TCTN3: variants seen among roughly 807,000 people sequenced by gnomAD.
The protein encoded by TCTN3 is tectonic family member 3.
A neutral mutation model predicts 71.3 loss-of-function variants in TCTN3; 57 were observed. That is an observed-to-expected ratio of 0.80 (90% CI 0.65 to 1.00). TCTN3 has a LOEUF of 1.00. Ranked by LOEUF, TCTN3 falls within the 50% of genes least tolerant of loss-of-function variation. The probability of loss-of-function intolerance (pLI) is 0.00; values close to 1 mark genes in which losing one functional copy is unlikely to be tolerated. For synonymous variants in TCTN3, 258 were observed against 267.8 expected (o/e 0.96, Z 0.36); for missense variants, 696 against 719.9 (o/e 0.97, Z 0.38).
chr10:95,679,688 T>G (rs1376106246), intron 13 of TCTN3, among the ~76,000 whole-genome samples: 1 of 147,012 alleles, frequency 6.8e-6, no homozygotes, highest in East Asian at 2.0e-4. Flanking sequence ...GCCTCTCGGG[T>G]TCACGCCATT....
At chr10:95,665,944 GTTTTTTT>G (rs58866795) in intron 13 of TCTN3, among the ~76,000 whole-genome samples, 7 of 143,098 alleles carry the variant, frequency 4.9e-5, no homozygotes, top group Non-Finnish European at 9.2e-5. Context: ...TAATTCTGTA[GTTTTTTT>G]TTTTTTTGAG....
Position 95,693,025 on chromosome 10 carries a change from C to T in TCTN3, c.394G>A (p.Val132Ile). Reference sequence around the variant, plus strand: ...AAGATAACAGAGTTGTCTACACAAACCCAGCTTGAAGACCTGTGAGGAAAG... The same window carrying T: ...AAGATAACAGAGTTGTCTACACAAATCCAGCTTGAAGACCTGTGAGGAAAG... ...LPGSVRSSSW[V>I]CVDNSVIFRS... is the part of the protein sequence containing the mutation. The change falls in exon 3 of 14, where the codon GTT (valine) becomes ATT (isoleucine). Residue 132 changes from valine to isoleucine, a missense_variant. Physicochemically the swap from Val to Ile is conservative, Grantham distance 29. Coordinates refer to ENST00000371217, the MANE Select transcript of TCTN3 (RefSeq NM_015631.6). The T allele has an allele frequency of 6.2e-7, 1 of 1,612,528 alleles. No homozygotes were observed. The highest frequency in any genetic ancestry group is 2.2e-5 in the East Asian group (1 of 44,812).
intron 3 of TCTN3, among the ~76,000 whole-genome samples, chr10:95,692,055 A>G (rs2097953989): frequency 1.3e-5 from 2 of 152,206 alleles, no homozygotes; most frequent in South Asian, 2.1e-4. Context: ...GGTGCTTACT[A>G]TGTGTTAGGC....
Position 95,687,625 on chromosome 10 carries a change from T to C in TCTN3, c.594A>G (p.Thr198=), listed in dbSNP as rs1465165267. ...AEFGGESFTS[T]FQTQSPPSFY... ...AAGATGGTGGTGATTGAGTTTGGAA[T>C]GTTGAAGTGAATGATTCGCCTCCAA... Residue 198 remains threonine, a synonymous_variant, in exon 4 of 14, where the codon ACA becomes ACG. Transcript: ENST00000371217. 1 of 1,614,076 alleles carries C rather than the reference T, an allele frequency of 6.2e-7. No homozygotes were observed. Among genetic ancestry groups the C allele is most frequent in the Non-Finnish European group, 8.5e-7 (1 of 1,180,032 alleles).
In TCTN3 at chr10:95,664,204, C is replaced by G. The variant is rs751106210; in HGVS notation, c.1687G>C (p.Asp563His). 2 of 1,614,154 alleles carry G rather than the reference C, an allele frequency of 1.2e-6. No individual in the cohort carries two copies. The highest frequency in any genetic ancestry group is 8.5e-7 in the Non-Finnish European group (1 of 1,180,028). ...PQPPRGQPKM[D>H]WKWPFDFFPF... ...AAGAAGTCGAATGGCCATTTCCAGT[C>G]CATTTTGGGTTGGCCCCTTGGAGGC... Residue 563 changes from aspartate (D) to histidine (H), a missense_variant, in exon 14 of 14, where the codon GAC (aspartate) becomes CAC (histidine). Physicochemically the swap from Asp to His is moderately conservative, Grantham distance 81 (BLOSUM62 -1). Coordinates refer to ENST00000371217, the MANE Select transcript of TCTN3 (RefSeq NM_015631.6).
chr10:95,680,969 G>C (rs2097942478), intron 12 of TCTN3, among the ~76,000 whole-genome samples: 2 of 151,450 alleles, frequency 1.3e-5, no homozygotes, highest in Admixed American at 6.6e-5. Context: ...GTACAGACAG[G>C]GTTTCACCAT....
At position 95,687,119 on chromosome 10, in the gene TCTN3, G is replaced by C. The variant is rs779457876; in HGVS notation, c.777C>G (p.Phe259Leu). The change falls in exon 6 of 14, where the codon TTC becomes TTG. Residue 259 changes from phenylalanine (F) to leucine (L), a missense_variant. Transcript: ENST00000371217. ...ESKSTTCTRF[F>L]KNLASSCTLD... ...AGGTACAGCTACTAGCCAGGTTCTT[G>C]AAAAAACGAGTGCAAGTTGTACTTT... 1 of 1,613,924 alleles carries C rather than the reference G, an allele frequency of 6.2e-7. No homozygotes were observed. The highest frequency in any genetic ancestry group is 8.5e-7 in the Non-Finnish European group (1 of 1,179,980).
At chr10:95,672,310 G>A (rs1295476744) in intron 13 of TCTN3, among the ~76,000 whole-genome samples, 1 of 152,076 alleles carries the variant, frequency 6.6e-6, no homozygotes, top group Non-Finnish European at 1.5e-5. Context: ...TCCTCAAGAT[G>A]GATATTTGGG....
intron 13 of TCTN3, among the ~76,000 whole-genome samples, chr10:95,668,053 A>G (rs1469786988): frequency 1.3e-5 from 2 of 152,202 alleles, no homozygotes; most frequent in Non-Finnish European, 2.9e-5. Context: ...TACATGAAAA[A>G]AGATATTATG....
chr10:95,687,840 A>C (rs2097949952), intron 3 of TCTN3, 121 bp from the exon 4 acceptor site: 14 of 1,194,156 alleles, frequency 1.2e-5, no homozygotes, highest in Non-Finnish European at 1.6e-5. Context: ...GTGTAAACTC[A>C]AAGAATTTTT....
intron 2 of TCTN3, 142 bp downstream of exon 2, chr10:95,693,211 C>T: frequency 7.2e-7 from 1 of 1,387,608 alleles, no homozygotes; most frequent in South Asian, 1.5e-5. Context: ...TCAGAAAAGG[C>T]AATTCCTAGG....
intron 7 of TCTN3, among the ~76,000 whole-genome samples, chr10:95,686,277 T>A (rs2097948166): frequency 6.6e-6 from 1 of 152,190 alleles, no homozygotes; most frequent in South Asian, 2.1e-4. Context: ...TAACCCAATG[T>A]TTACAAACTT....
At chr10:95,692,686 G>C (rs891191039) in intron 3 of TCTN3, among the ~76,000 whole-genome samples, 3 of 152,094 alleles carry the variant, frequency 2.0e-5, no homozygotes, top group Admixed American at 2.0e-4. Context: ...CCCACCGGCC[G>C]CATGCAGCCC....
rs1566075069 is a variant in TCTN3 at position 95,687,712 on chromosome 10, TAA to T, written c.505_506del (p.Leu169LysfsTer72). The T allele has an allele frequency of 1.2e-6, 2 of 1,609,212 alleles. No individual in the cohort carries two copies. Among genetic ancestry groups the T allele is most frequent in the Non-Finnish European group, 1.7e-6 (2 of 1,178,844 alleles). ...CCTTTTGAAGCTTCTGGAAATAGTTTAAGTTTGCTAAAATGTTTTTTAAAAGA... is the reference window on the plus strand; with the variant it reads ...CCTTTTGAAGCTTCTGGAAATAGTTTGTTTGCTAAAATGTTTTTTAAAAGA... The part of the protein sequence containing the change: ...QFCVHVNNSN[L>X]NYFQKLQKVN... On this transcript the variant is annotated frameshift_variant, in exon 4 of 14. Transcript: ENST00000371217. LOFTEE classifies it high-confidence loss of function.
intron 13 of TCTN3, among the ~76,000 whole-genome samples, chr10:95,671,480 T>C (rs2139707115): frequency 6.6e-6 from 1 of 152,364 alleles, no homozygotes; most frequent in African/African-American, 2.4e-5. Context: ...AAGTACACCC[T>C]ATACATTACA....
At chr10:95,678,305 G>C (rs934268332) in intron 13 of TCTN3, among the ~76,000 whole-genome samples, 1 of 152,116 alleles carries the variant, frequency 6.6e-6, no homozygotes, top group Non-Finnish European at 1.5e-5. Context: ...GTTGAGGCGG[G>C]TGGATCACCT....
rs1157092144 is a variant in TCTN3 at position 95,686,914 on chromosome 10, C to G, written c.852+130G>C. 1.9e-5 allele frequency: 14 copies of G among 739,114 alleles called. No individual in the cohort carries two copies. In the East Asian group the frequency reaches 3.7e-4, roughly 20 times the overall value. 45.8% of individuals were successfully genotyped at this position (739,114 alleles called of 1,614,324 possible). ...TGTCTTCAGATGTGGTTTCCAGGCC[C>G]TCTGTCTTTTACGTGGCTCCTGGGG... On this transcript the variant is annotated intron_variant, in intron 6 of 13. Coordinates refer to ENST00000371217, the MANE Select transcript of TCTN3 (RefSeq NM_015631.6).
intron 13 of TCTN3, among the ~76,000 whole-genome samples, chr10:95,665,073 T>C (rs907955071): frequency 2.0e-5 from 3 of 152,202 alleles, no homozygotes; most frequent in Admixed American, 6.5e-5. Flanking sequence ...TCTGGGAACA[T>C]AGTTTTGCCT....
intron 13 of TCTN3, among the ~76,000 whole-genome samples, chr10:95,672,737 G>T (rs2097932922): frequency 7.2e-6 from 1 of 138,754 alleles, no homozygotes; most frequent in Admixed American, 7.8e-5. Flanking sequence ...CTGTCGCCCA[G>T]GCTGGAGCGC....
Sources: gnomAD v4.1 joint callset for allele counts (sites outside exome capture counted in the v4.1 genomes callset) on GRCh38, gnomAD v4.1.1 for gene constraint, MANE v1.5 for transcripts, NCBI Gene and HGNC (gene_info 2026-07-23, HGNC 2026-07-21) for gene names.